The following ABCA9 variants were observed in gnomAD, a reference collection of about 807,000 sequenced individuals.
The protein encoded by ABCA9 is ATP binding cassette subfamily A member 9.
A neutral mutation model predicts 205.3 loss-of-function variants in ABCA9; 183 were observed. The ratio of observed to expected loss-of-function variants is 0.89; its 90% CI spans 0.79 to 1.01. The LOEUF is 1.01. Among genes scored for constraint, ABCA9 ranks in the 50% least tolerant of loss-of-function variants. ABCA9 has a pLI of 0.00. For synonymous variants in ABCA9, 651 were observed against 683.3 expected, an observed-to-expected ratio of 0.95 and a Z score of 0.74; for missense variants, 1,805 against 1,912.4, an observed-to-expected ratio of 0.94 and a Z score of 1.05.
At chr17:69,005,046 G>A (rs1469979980) in intron 25 of ABCA9, among the ~76,000 whole-genome samples, 6 of 152,260 alleles carry the variant, frequency 3.9e-5, no homozygotes, top group Admixed American at 2.0e-4. Flanking sequence ...AGATGAACCC[G>A]CTACCTCAGA....
At chr17:69,009,461 C>T (rs2070289633) in intron 23 of ABCA9, among the ~76,000 whole-genome samples, 1 of 152,118 alleles carries the variant, frequency 6.6e-6, no homozygotes, top group South Asian at 2.1e-4. Flanking sequence ...GTGGCTGGAG[C>T]ATGGTTATCA....
At chr17:69,071,906 C>G in the ABCA9 span, among the ~76,000 whole-genome samples, 3 of 152,184 alleles carry the variant, frequency 2.0e-5, no homozygotes, top group African/African-American at 4.8e-5. Flanking sequence ...CATAAATGAC[C>G]TGATGAAGCT....
chr17:69,017,024 T>C (rs1458708961), intron 21 of ABCA9, among the ~76,000 whole-genome samples: 2 of 152,170 alleles, frequency 1.3e-5, no homozygotes, highest in Non-Finnish European at 2.9e-5. Flanking sequence ...TGTTTATTGA[T>C]GTTAAAACTA....
chr17:69,032,052 A>G (rs1473147300), intron 10 of ABCA9, 56 bp downstream of exon 10: 1 of 1,520,166 alleles, frequency 6.6e-7, no homozygotes, highest in Non-Finnish European at 9.0e-7. Context: ...GTCACCTGAC[A>G]GATCCCCAGT....
intron 31 of ABCA9, among the ~76,000 whole-genome samples, chr17:68,987,414 G>A (rs1265571910): frequency 6.6e-6 from 1 of 152,184 alleles, no homozygotes; most frequent in Admixed American, 6.5e-5. Context: ...TCTGCCTTGT[G>A]CTTTCAAGGA....
At chr17:69,026,943 T>C (rs745965362) in intron 15 of ABCA9, 33 bp downstream of exon 15, 5 of 1,611,034 alleles carry the variant, frequency 3.1e-6, no homozygotes, top group Non-Finnish European at 4.2e-6. Flanking sequence ...CTCTAACCTC[T>C]CATGAAGATA....
rs1426405231 is a variant in ABCA9 at position 68,987,736 on chromosome 17, G to GTT, written c.4047+1289_4047+1290dup. On this transcript the variant is annotated intron_variant, in intron 31 of 38. Coordinates refer to ENST00000340001, the MANE Select transcript of ABCA9 (RefSeq NM_080283.4). ...GGGAGATTGACATGACCTCATTTGC[G>GTT]TTTTTTTTTGTTTGTTTGTTTGTTT... 2.6e-4 allele frequency among the ~76,000 whole-genome samples: 37 copies of GTT among 144,248 alleles called. No homozygotes were observed. The South Asian group carries it at 8.1e-3, about 32-fold the overall frequency. 94.6% of individuals were successfully genotyped at this position (144,248 alleles called of 152,430 possible). A position where few individuals can be genotyped will look rare whatever the true frequency, so the allele number is the denominator to read the frequency against.
chr17:69,011,911 G>C, intron 23 of ABCA9, 65 bp downstream of exon 23: 3 of 1,076,636 alleles, frequency 2.8e-6, no homozygotes, highest in Non-Finnish European at 4.0e-6. Flanking sequence ...TAAATTTATA[G>C]TCGTAAGGGT....
intron 19 of ABCA9, 87 bp from the exon 20 acceptor site, chr17:69,018,666 A>G (rs1312433441): frequency 1.0e-6 from 1 of 990,932 alleles, no homozygotes; most frequent in East Asian, 2.8e-5. Context: ...ATATAATAAC[A>G]GAAATAAATT....
chr17:68,991,266 G>A (rs763246155), intron 28 of ABCA9, among the ~76,000 whole-genome samples: 3 of 152,162 alleles, frequency 2.0e-5, no homozygotes, highest in Non-Finnish European at 2.9e-5. Context: ...AGAGTTGCAT[G>A]AGGAAAGGAA....
chr17:69,070,343 C>T, the ABCA9 span, among the ~76,000 whole-genome samples: 14 of 152,150 alleles, frequency 9.2e-5, no homozygotes, highest in Non-Finnish European at 1.6e-4. Context: ...CAGCTCCTAG[C>T]GAGATCAACG....
Position 69,027,709 on chromosome 17 carries a change from G to A in ABCA9, c.1722C>T (p.Leu574=). 1 of 1,613,314 alleles carries A rather than the reference G, an allele frequency of 6.2e-7. No individual in the cohort carries two copies. The highest frequency in any genetic ancestry group is 8.5e-7 in the Non-Finnish European group (1 of 1,179,818). Residue 574 remains leucine (L), a synonymous_variant, in exon 13 of 39, where the codon CTC becomes CTT. Transcript: ENST00000340001. ...CPQSNVQFGF[L]TVKENLRLFA... The stretch of plus-strand genomic sequence containing the variant: ...ACAGCCTGAGGTTTTCTTTCACAGT[G>A]AGAAATCCAAATTGCACATTGGATT...
chr17:68,995,363 T>A (rs2069583222), intron 26 of ABCA9, among the ~76,000 whole-genome samples: 1 of 152,178 alleles, frequency 6.6e-6, no homozygotes, highest in Non-Finnish European at 1.5e-5. Context: ...GTATTTGCTT[T>A]CCAATCTCTA....
intron 37 of ABCA9, among the ~76,000 whole-genome samples, chr17:68,978,611 G>A (rs192571726): frequency 1.8e-4 from 27 of 152,268 alleles, no homozygotes; most frequent in African/African-American, 6.5e-4. Flanking sequence ...GGTACCGGTT[G>A]TTCCTTTCCA....
At chr17:69,058,225 T>C (rs1567978810) in intron 1 of ABCA9, among the ~76,000 whole-genome samples, 1 of 152,156 alleles carries the variant, frequency 6.6e-6, no homozygotes, top group Non-Finnish European at 1.5e-5. Context: ...ATCAATGGTA[T>C]CCTCTTTTGG....
intron 8 of ABCA9, 72 bp downstream of exon 8, chr17:69,035,171 ATGT>A: frequency 8.2e-7 from 1 of 1,224,624 alleles, no homozygotes; most frequent in Non-Finnish European, 1.1e-6. Flanking sequence ...TGCTTAGAGC[ATGT>A]TGTGTGAATT....
At chr17:68,992,822 AAAAGG>A (rs1780708044) in intron 27 of ABCA9, 189 bp downstream of exon 27, 1 of 408,578 alleles carries the variant, frequency 2.4e-6, no homozygotes, top group South Asian at 3.2e-5. Context: ...TCAAAAAAAA[AAAAGG>A]GGGGGGGTCC....
rs139550875 is a variant in ABCA9 at position 68,983,847 on chromosome 17, C to T, written c.4502G>A (p.Cys1501Tyr). ...TTTCAGGTGTTGGATGGAACCAATA[C>T]ATCTGAAGGTAACAGAAGGATAAAG... ...VAIMVSGRLR[C>Y]IGSIQHLKSK... The change falls in exon 36 of 39, where the codon TGT becomes TAT. Residue 1501 changes from cysteine to tyrosine, a missense_variant and splice_region_variant. Transcript: ENST00000340001. The T allele has an allele frequency of 1.2e-6, 2 of 1,614,028 alleles. No homozygotes were observed. Among genetic ancestry groups the T allele is most frequent in the African/African-American group, 1.3e-5 (1 of 74,914 alleles).
At chr17:69,028,418 G>C (rs1891047749) in intron 12 of ABCA9, 117 bp downstream of exon 12, 1 of 551,516 alleles carries the variant, frequency 1.8e-6, no homozygotes, top group African/African-American at 1.9e-5. Flanking sequence ...ACCTGCCTCG[G>C]CTTCCCAAAG....
Sources: allele counts gnomAD v4.1 joint callset (sites outside exome capture counted in the v4.1 genomes callset), GRCh38; gene constraint gnomAD v4.1.1; transcripts MANE v1.5; gene names NCBI Gene and HGNC (gene_info 2026-07-23, HGNC 2026-07-21).